Variants in MMP28 observed in about 807,000 individuals in gnomAD.
The protein encoded by MMP28 is matrix metalloproteinase-28.
Under a neutral mutation model 60.5 loss-of-function variants are expected in MMP28, and 55 were observed. That is an observed-to-expected ratio of 0.91 (90% CI 0.73 to 1.14). MMP28 has a LOEUF of 1.14. MMP28 is among the 50% of genes most tolerant of loss of function. The pLI is 0.00. For synonymous variants in MMP28, 318 were observed against 312.5 expected (o/e 1.02, Z -0.18); for missense variants, 686 against 738.3 (o/e 0.93, Z 0.82).
downstream of MMP28, among the ~76,000 whole-genome samples, chr17:35,763,122 C>CAAAA (rs56180495): frequency 9.7e-6 from 1 of 103,146 alleles, no homozygotes; most frequent in Non-Finnish European, 2.2e-5. Flanking sequence ...ACTCCGTCTC[C>CAAAA]AAAAAAAAAA....
At chr17:35,767,944 A>T (rs767285652) in intron 6 of MMP28, 25 bp from the exon 7 acceptor site, 1 of 1,540,982 alleles carries the variant, frequency 6.5e-7, no homozygotes, top group African/African-American at 1.4e-5. Flanking sequence ...GAGAGAGTTG[A>T]GGAGTGACCA....
intron 1 of MMP28, among the ~76,000 whole-genome samples, chr17:35,783,106 G>A (rs534326448): frequency 2.0e-5 from 3 of 152,280 alleles, no homozygotes; most frequent in African/African-American, 4.8e-5. Context: ...GACTACAGGC[G>A]TGAGCCACCA....
At chr17:35,794,606 A>G (rs76466790) in intron 1 of MMP28, among the ~76,000 whole-genome samples, 12,092 of 152,096 alleles carry the variant, frequency 0.08, 716 homozygotes, top group South Asian at 0.17. Context: ...TCACAAAAAA[A>G]TTCCCCTTGC....
chr17:35,757,151 A>AAAATAAATAAAT lies in MMP28; in HGVS notation c.266-744_266-733dup, dbSNP rs58444290. On this transcript the variant is annotated intron_variant, in intron 2 of 2. Coordinates refer to the MMP28 transcript ENST00000615317. ...GGGTGACAGAGGGAGACTCTGTCTC[A>AAAATAAATAAAT]AAATAAATAAATAAATAAATAAATA... The AAAATAAATAAAT allele has an allele frequency of 3.7e-3, 564 of 151,414 alleles. 3 individuals are homozygous for AAAATAAATAAAT. Among genetic ancestry groups the AAAATAAATAAAT allele is most frequent in the African/African-American group, 0.013 (537 of 41,176 alleles). 9.4% of individuals were successfully genotyped at this position (151,414 alleles called of 1,614,324 possible).
chr17:35,790,716 G>A (rs1198638158), intron 1 of MMP28, among the ~76,000 whole-genome samples: 1 of 152,002 alleles, frequency 6.6e-6, no homozygotes, highest in African/African-American at 2.4e-5. Flanking sequence ...GGCTGAGTAT[G>A]GTGGTTCAAG....
At chr17:35,764,465 C>T (rs1555602348), downstream of MMP28, 2 of 1,559,348 alleles carry the variant, frequency 1.3e-6, no homozygotes, top group South Asian at 1.2e-5. Flanking sequence ...TGCTGGAGAT[C>T]CGGCGACGAC....
chr17:35,777,129 G>A (rs997586208), intron 3 of MMP28, among the ~76,000 whole-genome samples: 2 of 152,348 alleles, frequency 1.3e-5, no homozygotes. Context: ...CAACCTGGAA[G>A]GGCCTATGTC....
At chr17:35,792,393 C>T (rs4795089) in intron 1 of MMP28, among the ~76,000 whole-genome samples, 13,882 of 152,152 alleles carry the variant, frequency 0.091, 788 homozygotes, top group East Asian at 0.21. Context: ...GTGGATAGGT[C>T]CATGTGAAAA....
At chr17:35,784,267 A>C (rs1471267683) in intron 1 of MMP28, among the ~76,000 whole-genome samples, 1 of 146,880 alleles carries the variant, frequency 6.8e-6, no homozygotes, top group Non-Finnish European at 1.5e-5. Flanking sequence ...GGGCAACAAG[A>C]GCAAGACTCC....
At chr17:35,790,392 A>G (rs9901972) in intron 1 of MMP28, among the ~76,000 whole-genome samples, 5,315 of 152,210 alleles carry the variant, frequency 0.035, 328 homozygotes, top group African/African-American at 0.12. Flanking sequence ...TTTTTAAATG[A>G]ACTGAGACTT....
At chr17:35,782,198 C>T (rs1435599632) in intron 1 of MMP28, among the ~76,000 whole-genome samples, 1 of 151,924 alleles carries the variant, frequency 6.6e-6, no homozygotes, top group Non-Finnish European at 1.5e-5. Flanking sequence ...ACTACAGGTG[C>T]CCACCACCAC....
rs2085932955 is a variant in MMP28, at chr17:35,766,207, AG to A, written c.*292del. On this transcript the variant is annotated 3_prime_UTR_variant, in exon 8 of 8. Coordinates refer to ENST00000605424, the MANE Select transcript of MMP28 (RefSeq NM_024302.5). This position sits in a 1 kb window ranked among gnomAD's most constrained non-coding sequence, Gnocchi z 4.3. Reference sequence around the variant, plus strand: ...TGAAAGGAACTGTACCTTTAGCCGAAGAAACAAAGGCCTGGGGAGGATAGAA... The same window carrying A: ...TGAAAGGAACTGTACCTTTAGCCGAAAAACAAAGGCCTGGGGAGGATAGAA... 4 of 1,188,696 alleles carry A rather than the reference AG, an allele frequency of 3.4e-6. No homozygotes were observed. The highest frequency in any genetic ancestry group is 4.0e-5 in the Admixed American group (1 of 24,906). The allele number at this position is 1,188,696 out of a possible 1,614,324, so 73.6% of individuals were successfully genotyped here.
downstream of MMP28, among the ~76,000 whole-genome samples, chr17:35,763,097 G>A (rs1378689397): frequency 6.7e-6 from 1 of 150,160 alleles, no homozygotes; most frequent in Non-Finnish European, 1.5e-5. Context: ...ACTCCAGCCT[G>A]GGCGACAGAG....
At chr17:35,765,428 G>A (rs1342995861), downstream of MMP28, among the ~76,000 whole-genome samples, 1 of 152,224 alleles carries the variant, frequency 6.6e-6, no homozygotes, top group Non-Finnish European at 1.5e-5. Flanking sequence ...GGCATGGGTG[G>A]AGGCAGAAGA....
intron 4 of MMP28, among the ~76,000 whole-genome samples, chr17:35,770,956 G>A (rs1295458041): frequency 6.6e-6 from 1 of 152,154 alleles, no homozygotes; most frequent in Non-Finnish European, 1.5e-5. Flanking sequence ...GGAAGCTGAG[G>A]TGGGAGGCTC....
chr17:35,763,747 A>G (rs180874739), downstream of MMP28, among the ~76,000 whole-genome samples: 2 of 151,746 alleles, frequency 1.3e-5, no homozygotes, highest in African/African-American at 4.8e-5. Context: ...AAATACAAAA[A>G]TTAGCAGGGC....
intron 3 of MMP28, among the ~76,000 whole-genome samples, chr17:35,775,813 G>T (rs1263931999): frequency 2.0e-5 from 3 of 152,190 alleles, no homozygotes; most frequent in Admixed American, 1.3e-4. Context: ...CTTAGTGAAG[G>T]AACAGGAAGC....
intron 3 of MMP28, 45 bp from the exon 4 acceptor site, chr17:35,773,449 C>A (rs183375154): frequency 1.1e-5 from 16 of 1,510,478 alleles, no homozygotes; most frequent in East Asian, 2.5e-5. Flanking sequence ...CTGCAGAGCC[C>A]GAGTCTGGTC....
intron 2 of MMP28, chr17:35,757,248 T>C (rs1308198592): frequency 6.6e-6 from 1 of 152,202 alleles, no homozygotes; most frequent in Non-Finnish European, 1.5e-5. Context: ...GAGTCCCACT[T>C]GATCAAAGGT....
Sources: gnomAD v4.1 joint callset for allele counts (sites outside exome capture counted in the v4.1 genomes callset) on GRCh38, gnomAD v4.1.1 for gene constraint, Gnocchi (gnomAD v3.1) non-coding constraint, MANE v1.5 for transcripts, NCBI Gene and HGNC (gene_info 2026-07-23, HGNC 2026-07-21) for gene names.